The following NBPF9 variants were observed in gnomAD, a reference collection of about 807,000 sequenced individuals.
NBPF9 encodes NBPF family member NBPF9.
A neutral mutation model predicts 97.8 loss-of-function variants in NBPF9; 91 were observed. That is an observed-to-expected ratio of 0.93 (90% CI 0.79 to 1.11). The LOEUF (loss-of-function observed/expected upper bound fraction) is 1.11. Ranked by LOEUF, NBPF9 falls within the 50% of genes least tolerant of loss-of-function variation. NBPF9 has a pLI of 0.00. For synonymous variants in NBPF9, 334 were observed against 359.5 expected, an observed-to-expected ratio of 0.93 and a Z score of 0.80; for missense variants, 992 against 939.5, an observed-to-expected ratio of 1.06 and a Z score of -0.73.
At chr1:149,063,175 C>T (rs1553650572) in intron 20 of NBPF9, among the ~76,000 whole-genome samples, 3 of 142,464 alleles carry the variant, frequency 2.1e-5, no homozygotes, top group African/African-American at 8.2e-5. Context: ...AATGGTTATG[C>T]CATATTTTTC....
rs369190421 is a variant in NBPF9 at position 149,070,919 on chromosome 1, G to T, written c.1585+15C>A. On this transcript the variant is annotated intron_variant, in intron 16 of 29. Coordinates refer to ENST00000584027, the Ensembl canonical transcript of NBPF9. The stretch of plus-strand genomic sequence containing the variant: ...CCTAGAGAGAGGTATGAGACACAAG[G>T]AAAACAGAGGCTACCTGGAATAATG... The T allele has an allele frequency of 9.3e-6, 15 of 1,611,966 alleles. No homozygotes were observed. The African/African-American group carries it at 1.9e-4, about 20-fold the overall frequency.
At chr1:149,063,217 T>C (rs1390844241) in intron 20 of NBPF9, among the ~76,000 whole-genome samples, 10 of 131,754 alleles carry the variant, frequency 7.6e-5, no homozygotes, top group African/African-American at 2.1e-4. Flanking sequence ...CCCCAAATGG[T>C]TGCTAGGAGA....
In NBPF9 at chr1:149,059,559, G is replaced by A. The variant is rs1271602786; in HGVS notation, c.2585+141C>T. ...AGAAATGGAAACCTAAACATCTACT[G>A]CAATGAAAACCAACAGCAATGACAG... is the stretch of plus-strand genomic sequence containing the variant. On this transcript the variant is annotated intron_variant, in intron 25 of 29. Coordinates refer to ENST00000584027, the Ensembl canonical transcript of NBPF9. 4.6e-4 allele frequency: 215 copies of A among 464,972 alleles called. 69 individuals are homozygous for A. Among genetic ancestry groups the A allele is most frequent in the African/African-American group, 4.0e-3 (155 of 38,924 alleles). 28.8% of individuals were successfully genotyped at this position (464,972 alleles called of 1,614,324 possible). A position where few individuals can be genotyped will look rare whatever the true frequency, so the allele number is the denominator to read the frequency against.
intron 4 of NBPF9, among the ~76,000 whole-genome samples, chr1:149,091,328 AG>A (rs1446044176): frequency 6.9e-6 from 1 of 145,686 alleles, no homozygotes; most frequent in African/African-American, 2.5e-5. Context: ...CATTTATCCA[AG>A]AGAAATTAAA....
At chr1:149,074,768 C>T (rs782475691) in intron 12 of NBPF9, among the ~76,000 whole-genome samples, 1 of 151,244 alleles carries the variant, frequency 6.6e-6, no homozygotes, top group Admixed American at 6.6e-5. Context: ...TCACTCTCAC[C>T]AAGCTACTCT....
chr1:149,084,331 T>C (rs1251704510), intron 5 of NBPF9, among the ~76,000 whole-genome samples: 20 of 147,344 alleles, frequency 1.4e-4, no homozygotes, highest in Admixed American at 1.1e-3. Context: ...TACACACACA[T>C]GAATATATAT....
In NBPF9 at chr1:149,059,698, A is replaced by T; in HGVS notation, c.2585+2T>A. 3.5e-6 allele frequency: 2 copies of T among 565,940 alleles called. No individual in the cohort carries two copies. The highest frequency in any genetic ancestry group is 6.4e-6 in the Non-Finnish European group (2 of 314,112). The allele number at this position is 565,940 out of a possible 1,614,324, so 35.1% of individuals were successfully genotyped here. A position where few individuals can be genotyped will look rare whatever the true frequency, so the allele number is the denominator to read the frequency against. On this transcript the variant is annotated splice_donor_variant, in intron 25 of 29. Coordinates refer to ENST00000584027, the Ensembl canonical transcript of NBPF9. LOFTEE classifies it high-confidence loss of function. ...TAAGGATCCAGAATTGCTGAAAGTC[A>T]CCTGGGGCATGGTGGGTTTTGATTT...
rs1261738846 is a variant in NBPF9 at position 149,081,856 on chromosome 1, G to C, written c.175+109C>G. 4.1e-3 allele frequency: 3,144 copies of C among 757,762 alleles called. 40 individuals carry two copies. The highest frequency in any genetic ancestry group is 5.7e-3 in the Non-Finnish European group (2,689 of 473,156). 46.9% of individuals were successfully genotyped at this position (757,762 alleles called of 1,614,324 possible). On this transcript the variant is annotated intron_variant, in intron 7 of 29. Transcript: ENST00000584027. ...TAAAATACCCATTTCTGTTTTCCTA[G>C]AAGTACAGGAAGGATGAAATTATTT...
chr1:149,079,206 C>T (rs782028688), exon 9 of NBPF9: 500 of 937,114 alleles, frequency 5.3e-4, no homozygotes, highest in Non-Finnish European at 8.3e-4. Flanking sequence ...GAGAGTGAAC[C>T]AGGACTTTAT....
At chr1:149,061,160 A>G in intron 23 of NBPF9, 172 bp downstream of exon 23, 2 of 355,140 alleles carry the variant, frequency 5.6e-6, no homozygotes, top group Non-Finnish European at 1.1e-5. Context: ...AAGGGGAGGA[A>G]GAAATGGAAA....
rs782173058 is a variant in NBPF9, at chr1:149,055,913, C to T, written c.3093-14G>A. ...ACGCCGTTGAGCCTGGAAAAGGAGACAAAACTAAAGAAGCAGCCAGGGAAA... is the reference window on the plus strand; with the variant it reads ...ACGCCGTTGAGCCTGGAAAAGGAGATAAAACTAAAGAAGCAGCCAGGGAAA... On this transcript the variant is annotated splice_polypyrimidine_tract_variant and intron_variant, in intron 29 of 29. Transcript: ENST00000584027. The T allele has an allele frequency of 1.6e-5, 26 of 1,611,284 alleles. No homozygotes were observed. The highest frequency in any genetic ancestry group is 1.9e-5 in the Non-Finnish European group (22 of 1,179,722).
chr1:149,063,503 G>A lies in NBPF9; in HGVS notation c.2026+130C>T, dbSNP rs371635393. The stretch of plus-strand genomic sequence containing the variant: ...AAGTGGAACTAGAGTTTCATTCAAC[G>A]TACATGTGCCTATAGGTCCTCCCTG... On this transcript the variant is annotated intron_variant, in intron 20 of 29. Coordinates refer to ENST00000584027, the Ensembl canonical transcript of NBPF9. The A allele has an allele frequency of 7.2e-6, 5 of 697,926 alleles. 1 individual carries two copies. Among genetic ancestry groups the A allele is most frequent in the East Asian group, 7.7e-5 (2 of 25,916 alleles). The allele number at this position is 697,926 out of a possible 1,614,324, so 43.2% of individuals were successfully genotyped here.
chr1:149,089,687 C>T (rs2081289997), intron 5 of NBPF9, among the ~76,000 whole-genome samples: 1 of 152,310 alleles, frequency 6.6e-6, no homozygotes, highest in Admixed American at 6.5e-5. Flanking sequence ...GAAAAGACAG[C>T]TCAGCGTAAA....
At chr1:149,079,781 G>T (rs1197977563) in intron 8 of NBPF9, among the ~76,000 whole-genome samples, 5 of 152,036 alleles carry the variant, frequency 3.3e-5, no homozygotes, top group South Asian at 2.1e-4. Flanking sequence ...CTGCTAGGTG[G>T]TTCCCACTCC....
In NBPF9 at chr1:149,062,357, T is replaced by G. The variant is rs1174712226; in HGVS notation, c.2079-92A>C. ...TTTCATGGCTAACATAAGGAACTGT[T>G]TAAAAAGAAAAAGGACAGATCCATT... is the stretch of plus-strand genomic sequence containing the variant. On this transcript the variant is annotated intron_variant, in intron 21 of 29. Transcript: ENST00000584027. The G allele has an allele frequency of 1.7e-5, 11 of 631,962 alleles. 1 individual carries two copies. The highest frequency in any genetic ancestry group is 2.8e-5 in the Non-Finnish European group (10 of 351,086). The allele number at this position is 631,962 out of a possible 1,614,324, so 39.1% of individuals were successfully genotyped here. A position where few individuals can be genotyped will look rare whatever the true frequency, so the allele number is the denominator to read the frequency against.
chr1:149,065,226 G>A, intron 18 of NBPF9: 1 of 700,966 alleles, frequency 1.4e-6, no homozygotes, highest in Non-Finnish European at 2.6e-6. Flanking sequence ...GACAACTCCT[G>A]GGCATGTGCT....
intron 7 of NBPF9, among the ~76,000 whole-genome samples, chr1:149,081,319 C>T (rs1294553557): frequency 2.6e-5 from 4 of 152,032 alleles, no homozygotes; most frequent in African/African-American, 9.7e-5. Context: ...GGGGTTTCTC[C>T]ATGTTGCCCA....
chr1:149,077,496 T>C (rs2079989463), intron 10 of NBPF9, 77 bp from the exon 11 acceptor site: 1 of 1,593,144 alleles, frequency 6.3e-7, no homozygotes, highest in Admixed American at 1.7e-5. Context: ...CTAGCTGGTT[T>C]TGACAGGCGG....
exon 14 of NBPF9, chr1:149,072,798 T>A (rs782109586): frequency 6.3e-7 from 1 of 1,581,638 alleles, no homozygotes; most frequent in South Asian, 1.1e-5. Context: ...CCCCTGGGAC[T>A]TGTCCGGCTC....
Sources: allele counts gnomAD v4.1 joint callset (sites outside exome capture counted in the v4.1 genomes callset), GRCh38; gene constraint gnomAD v4.1.1; transcripts MANE v1.5; gene names NCBI Gene and HGNC (gene_info 2026-07-23, HGNC 2026-07-21).